Variants in PRPSAP2 observed in about 807,000 individuals in gnomAD.
PRPSAP2 encodes phosphoribosyl pyrophosphate synthetase associated protein 2, also known as phosphoribosyl pyrophosphate synthase-associated protein 2.
In PRPSAP2, 24 loss-of-function variants were observed where a neutral mutation model predicts 40.6. That is an observed-to-expected ratio of 0.59 (90% CI 0.43 to 0.83). The LOEUF (loss-of-function observed/expected upper bound fraction) is 0.83. PRPSAP2 is among the 40% of genes least tolerant of loss of function. PRPSAP2 has a pLI of 0.00. For synonymous variants in PRPSAP2, 149 were observed against 164.7 expected (o/e 0.90, Z 0.73); for missense variants, 292 against 465.6 (o/e 0.63, Z 3.43).
chr17:18,894,613 G>T (rs770304748), intron 8 of PRPSAP2, among the ~76,000 whole-genome samples: 2 of 151,538 alleles, frequency 1.3e-5, no homozygotes, highest in Non-Finnish European at 2.9e-5. Context: ...GAGTAGCTGG[G>T]ATTGCAGGCA....
chr17:18,882,191 C>G (rs2038807037), intron 6 of PRPSAP2, among the ~76,000 whole-genome samples: 2 of 152,056 alleles, frequency 1.3e-5, no homozygotes, highest in East Asian at 3.9e-4. Flanking sequence ...TATGTAGTAC[C>G]TATTTTATAC....
At chr17:18,887,844 T>G (rs370812928) in intron 7 of PRPSAP2, among the ~76,000 whole-genome samples, 2 of 34,108 alleles carry the variant, frequency 5.9e-5, no homozygotes, top group African/African-American at 1.2e-4. Flanking sequence ...CTTTCTTTTT[T>G]TTTTTTTTAA....
upstream of PRPSAP2, among the ~76,000 whole-genome samples, chr17:18,857,170 C>T (rs994752772): frequency 6.6e-6 from 1 of 151,894 alleles, no homozygotes; most frequent in Non-Finnish European, 1.5e-5. Context: ...CCTGTCTCTA[C>T]TAAAAATACA....
intron 8 of PRPSAP2, among the ~76,000 whole-genome samples, chr17:18,892,688 A>AGTGTGTGTGTGTGTGTGTGT (rs3043879): frequency 2.7e-5 from 2 of 75,382 alleles, no homozygotes; most frequent in African/African-American, 4.8e-5. Context: ...CAGCCTGTTG[A>AGTGTGTGTGTGTGTGTGTGT]GTGTGTGTGT....
chr17:18,862,903 C>T (rs1345827842), intron 1 of PRPSAP2, among the ~76,000 whole-genome samples: 1 of 151,794 alleles, frequency 6.6e-6, no homozygotes, highest in Non-Finnish European at 1.5e-5. Context: ...TCACTGCCCA[C>T]TTCGCCTCCC....
rs566959507 is a variant in PRPSAP2 at position 18,897,158 on chromosome 17, A to G, written c.584+7281A>G. On this transcript the variant is annotated intron_variant, in intron 8 of 11. Transcript: ENST00000268835. The stretch of plus-strand genomic sequence containing the variant: ...TTTTTTGTAGAGATGGGGTCTCACT[A>G]TATTGCCCAGGCTGGTCTCCAACTC... Among the ~76,000 whole-genome samples the G allele has an allele frequency of 5.9e-5, 9 of 151,882 alleles. No individual in the cohort carries two copies. In the South Asian group the frequency reaches 1.2e-3, roughly 21 times the overall value.
intron 5 of PRPSAP2, among the ~76,000 whole-genome samples, chr17:18,876,565 A>G (rs561911828): frequency 9.6e-4 from 147 of 152,352 alleles, no homozygotes; most frequent in Admixed American, 1.8e-3. Context: ...GGATGCCTCC[A>G]TGATTAAAAC....
At chr17:18,870,759 G>C (rs556840976) in intron 4 of PRPSAP2, among the ~76,000 whole-genome samples, 1 of 151,164 alleles carries the variant, frequency 6.6e-6, no homozygotes, top group Non-Finnish European at 1.5e-5. Flanking sequence ...CAGTGAGCTG[G>C]GATCACGCCG....
chr17:18,889,761 G>T, intron 7 of PRPSAP2, 61 bp from the exon 8 acceptor site: 1 of 1,339,346 alleles, frequency 7.5e-7, no homozygotes, highest in African/African-American at 1.5e-5. Flanking sequence ...GCATTTTTGG[G>T]TCTGTTGGAA....
intron 1 of PRPSAP2, among the ~76,000 whole-genome samples, chr17:18,862,798 T>TATTC (rs58271628): frequency 0.13 from 16,202 of 129,566 alleles, 1,067 homozygotes; most frequent in African/African-American, 0.19. Context: ...CCCTTTTATT[T>TATTC]ATTTATTTAT....
intron 6 of PRPSAP2, among the ~76,000 whole-genome samples, chr17:18,880,380 C>T (rs1420713260): frequency 6.6e-6 from 1 of 152,130 alleles, no homozygotes; most frequent in East Asian, 1.9e-4. Context: ...CTCCAATTTC[C>T]AGGCTGGTGC....
chr17:18,905,834 C>T (rs909182660), intron 8 of PRPSAP2, among the ~76,000 whole-genome samples: 2 of 152,004 alleles, frequency 1.3e-5, no homozygotes, highest in African/African-American at 2.4e-5. Context: ...CTGCCCGCCT[C>T]GGCCTCCCAA....
intron 5 of PRPSAP2, among the ~76,000 whole-genome samples, 190 bp from the exon 6 acceptor site, chr17:18,877,508 G>C (rs2038389304): frequency 6.6e-6 from 1 of 152,170 alleles, no homozygotes; most frequent in South Asian, 2.1e-4. Context: ...CTTAAGTAGG[G>C]TGGTCAGTTG....
chr17:18,862,590 T>A (rs981309366), intron 1 of PRPSAP2, among the ~76,000 whole-genome samples: 2 of 152,184 alleles, frequency 1.3e-5, no homozygotes, highest in African/African-American at 4.8e-5. Context: ...TACAGTCACC[T>A]GTGGGGTCAG....
chr17:18,911,166 T>G lies in PRPSAP2; in HGVS notation c.648T>G (p.Asp216Glu). 6.2e-7 allele frequency: 1 copy of G among 1,614,096 alleles called. No individual in the cohort carries two copies. The highest frequency in any genetic ancestry group is 8.5e-7 in the Non-Finnish European group (1 of 1,179,964). ...GIAVIHGEAQDAESDLVDGRH... is the reference protein window; with the variant it reads ...GIAVIHGEAQEAESDLVDGRH... ...CAGTGATTCATGGAGAGGCGCAGGA[T>G]GCCGAGTCGGACTTGGTGGATGGAC... is the stretch of plus-strand genomic sequence containing the variant. The change falls in exon 9 of 12, where the codon GAT becomes GAG. Residue 216 changes from aspartate to glutamate, a missense_variant. Physicochemically the swap from Asp to Glu is conservative, Grantham distance 45. This residue lies in a region of PRPSAP2 where 241 missense variants were observed against 425.7 expected (regional missense o/e 0.57). Transcript: ENST00000268835. This position sits in a 1 kb window ranked among gnomAD's most constrained non-coding sequence, Gnocchi z 4.5.
At chr17:18,892,107 G>A (rs544186667) in intron 8 of PRPSAP2, among the ~76,000 whole-genome samples, 43 of 152,226 alleles carry the variant, frequency 2.8e-4, no homozygotes, top group Non-Finnish European at 5.3e-4. Context: ...TGCCTGCCTC[G>A]GCCTCCCAAA....
intron 8 of PRPSAP2, among the ~76,000 whole-genome samples, chr17:18,899,303 C>CTTGAA (rs1393973625): frequency 2.0e-5 from 3 of 151,960 alleles, no homozygotes; most frequent in Non-Finnish European, 2.9e-5. Flanking sequence ...TCAGGCTGGT[C>CTTGAA]TTGAACCCCT....
At chr17:18,895,729 G>A (rs577309679) in intron 8 of PRPSAP2, among the ~76,000 whole-genome samples, 17 of 152,072 alleles carry the variant, frequency 1.1e-4, no homozygotes, top group Middle Eastern at 6.8e-3. Context: ...GGGTTCCAGC[G>A]ATTCTCCTGC....
At chr17:18,895,533 T>G (rs4510081) in intron 8 of PRPSAP2, among the ~76,000 whole-genome samples, 79,957 of 151,392 alleles carry the variant, frequency 0.53, 21,386 homozygotes, top group Middle Eastern at 0.6. Context: ...CAGAGATCGT[T>G]TCTGTTGACT....
Sources: gnomAD v4.1 joint callset for allele counts (sites outside exome capture counted in the v4.1 genomes callset) on GRCh38, gnomAD v4.1.1 for gene constraint, gnomAD v4.1.1 regional missense constraint, Gnocchi (gnomAD v3.1) non-coding constraint, MANE v1.5 for transcripts, NCBI Gene and HGNC (gene_info 2026-07-23, HGNC 2026-07-21) for gene names.